RGS6: variants seen among roughly 807,000 people sequenced by gnomAD.
The protein encoded by RGS6 is regulator of G protein signaling 6.
In RGS6, 30 loss-of-function variants were observed where a neutral mutation model predicts 78.5. The ratio of observed to expected loss-of-function variants is 0.38; its 90% confidence interval spans 0.29 to 0.52. The LOEUF (loss-of-function observed/expected upper bound fraction) is 0.52. Ranked by LOEUF, RGS6 falls within the 20% of genes least tolerant of loss-of-function variation. RGS6 has a pLI of 0.85. For synonymous variants in RGS6, 206 were observed against 206.0 expected (o/e 1.00, Z 0.00); for missense variants, 495 against 609.7 (o/e 0.81, Z 1.98).
At chr14:71,911,022 C>T in the RGS6 span, among the ~76,000 whole-genome samples, 1 of 152,146 alleles carries the variant, frequency 6.6e-6, no homozygotes, top group African/African-American at 2.4e-5. Flanking sequence ...GGCTTGATTT[C>T]TGATCTCATA....
rs149589058 is a variant in RGS6, at chr14:71,961,871, C to G, written c.-20-2901C>G. ...TTTTTCTCTACCACTAAATTTAAAC[C>G]CATTTCTATTGTACTCCATTTAAAA... is the stretch of plus-strand genomic sequence containing the variant. On this transcript the variant is annotated intron_variant, in intron 1 of 17. Coordinates refer to ENST00000553525, the MANE Select transcript of RGS6 (RefSeq NM_001204424.2). 1.2e-4 allele frequency among the ~76,000 whole-genome samples: 18 copies of G among 152,136 alleles called. No homozygotes were observed. The East Asian group carries it at 2.9e-3, about 24-fold the overall frequency.
chr14:72,342,108 GTTGAATTATTTGGGC>G (rs1173444495), intron 2 of RGS6, among the ~76,000 whole-genome samples: 2 of 152,180 alleles, frequency 1.3e-5, no homozygotes, highest in Admixed American at 6.5e-5. Flanking sequence ...CACAGTGCTG[GTTGAATTATTTGGGC>G]TAGGTTGCCA....
chr14:71,972,203 AC>A (rs957680842), intron 2 of RGS6, among the ~76,000 whole-genome samples: 49 of 152,156 alleles, frequency 3.2e-4, no homozygotes, highest in African/African-American at 1.1e-3. Flanking sequence ...GTAAGAAGTC[AC>A]TAGGTCCACC....
chr14:72,239,571 C>G (rs1177083850), intron 2 of RGS6, among the ~76,000 whole-genome samples: 1 of 152,184 alleles, frequency 6.6e-6, no homozygotes, highest in Admixed American at 6.5e-5. Context: ...TCATGCCTGT[C>G]TAACTACCTG....
intron 3 of RGS6, among the ~76,000 whole-genome samples, chr14:72,428,428 C>T (rs1486661842): frequency 6.6e-6 from 1 of 152,044 alleles, no homozygotes; most frequent in Non-Finnish European, 1.5e-5. Flanking sequence ...GTGGGAGATT[C>T]AGTTCGCCCA....
intron 2 of RGS6, among the ~76,000 whole-genome samples, chr14:72,226,508 G>A (rs1000763678): frequency 6.6e-6 from 1 of 152,132 alleles, no homozygotes; most frequent in Non-Finnish European, 1.5e-5. Context: ...ATATCTGGGG[G>A]CCCAGAGCTG....
intron 13 of RGS6, among the ~76,000 whole-genome samples, chr14:72,498,053 C>T (rs544124113): frequency 6.6e-6 from 1 of 152,080 alleles, no homozygotes; most frequent in South Asian, 2.1e-4. Context: ...GGTGTCCATT[C>T]TGTGATTTTA....
At chr14:72,127,676 C>G (rs961595034) in intron 2 of RGS6, among the ~76,000 whole-genome samples, 1 of 152,126 alleles carries the variant, frequency 6.6e-6, no homozygotes, top group Non-Finnish European at 1.5e-5. Context: ...ACACAGAGTT[C>G]TAGCGTTAGC....
the RGS6 span, among the ~76,000 whole-genome samples, chr14:71,869,531 A>G: frequency 6.6e-6 from 1 of 152,342 alleles, no homozygotes; most frequent in East Asian, 1.9e-4. Context: ...GCTGAGACTC[A>G]AACTGAACTT....
intron 2 of RGS6, among the ~76,000 whole-genome samples, chr14:71,983,000 G>C (rs2094534596): frequency 6.6e-6 from 1 of 152,148 alleles, no homozygotes; most frequent in Admixed American, 6.5e-5. Context: ...GTGTCTTAGT[G>C]GTCTAGCGTG....
intron 2 of RGS6, among the ~76,000 whole-genome samples, chr14:72,197,883 G>C (rs548935985): frequency 6.6e-6 from 1 of 152,084 alleles, no homozygotes; most frequent in South Asian, 2.1e-4. Flanking sequence ...CCAGGTCCAG[G>C]TTAGATGCTA....
At chr14:72,281,333 G>T (rs1006590062) in intron 2 of RGS6, among the ~76,000 whole-genome samples, 1 of 151,854 alleles carries the variant, frequency 6.6e-6, no homozygotes, top group African/African-American at 2.4e-5. Context: ...ATTTTTAGTA[G>T]AGCTGGGGTT....
At chr14:71,871,745 T>C in the RGS6 span, among the ~76,000 whole-genome samples, 1 of 152,178 alleles carries the variant, frequency 6.6e-6, no homozygotes, top group South Asian at 2.1e-4. Flanking sequence ...CTTTTTTTGC[T>C]GTTCCCATGT....
chr14:71,883,414 C>T, the RGS6 span, among the ~76,000 whole-genome samples: 2 of 152,172 alleles, frequency 1.3e-5, no homozygotes, highest in African/African-American at 4.8e-5. Flanking sequence ...AGCTAGCTAA[C>T]CCCACCCTGA....
chr14:72,436,943 C>A (rs2094941128), intron 3 of RGS6, among the ~76,000 whole-genome samples: 1 of 152,138 alleles, frequency 6.6e-6, no homozygotes, highest in Non-Finnish European at 1.5e-5. Context: ...ACCTTAAGAA[C>A]CCTCACTGCA....
chr14:71,966,098 G>A (rs1235416798), intron 2 of RGS6, among the ~76,000 whole-genome samples: 1 of 151,804 alleles, frequency 6.6e-6, no homozygotes, highest in East Asian at 1.9e-4. Flanking sequence ...TTTGATGTTT[G>A]CATGTTTGTG....
At chr14:72,003,585 A>G (rs1318008430) in intron 2 of RGS6, among the ~76,000 whole-genome samples, 1 of 151,984 alleles carries the variant, frequency 6.6e-6, no homozygotes, top group African/African-American at 2.4e-5. Flanking sequence ...GTTTTTTTTC[A>G]GGGAAAGTTT....
intron 2 of RGS6, among the ~76,000 whole-genome samples, chr14:72,286,610 A>G (rs1335212672): frequency 1.3e-5 from 2 of 151,914 alleles, no homozygotes; most frequent in African/African-American, 4.8e-5. Context: ...TAGTATAGAT[A>G]TTTTAGCAAT....
intron 3 of RGS6, among the ~76,000 whole-genome samples, chr14:72,427,282 A>C (rs981924505): frequency 1.2e-4 from 19 of 152,310 alleles, no homozygotes; most frequent in Non-Finnish European, 1.6e-4. Context: ...GTTGTTGTTA[A>C]TCTCTTATGA....
Sources: allele counts gnomAD v4.1 joint callset (sites outside exome capture counted in the v4.1 genomes callset), GRCh38; gene constraint gnomAD v4.1.1; transcripts MANE v1.5; gene names NCBI Gene and HGNC (gene_info 2026-07-23, HGNC 2026-07-21).